SNED1: variants seen among roughly 807,000 people sequenced by gnomAD.
SNED1 encodes the protein sushi, nidogen and EGF like domains 1, also known as sushi, nidogen and EGF-like domain-containing protein 1.
Under a neutral mutation model 166.7 loss-of-function variants are expected in SNED1, and 81 were observed. The ratio of observed to expected loss-of-function variants is 0.49; its 90% CI spans 0.41 to 0.58. The LOEUF (loss-of-function observed/expected upper bound fraction) is 0.58. SNED1 is among the 20% of genes least tolerant of loss of function. The probability of loss-of-function intolerance (pLI) is 0.00; values close to 1 mark genes in which losing one functional copy is unlikely to be tolerated. For synonymous variants in SNED1, 762 were observed against 822.0 expected, an observed-to-expected ratio of 0.93 and a Z score of 1.25; for missense variants, 1,604 against 2,000.2, an observed-to-expected ratio of 0.80 and a Z score of 3.78.
intron 29 of SNED1, among the ~76,000 whole-genome samples, chr2:241,085,465 A>C (rs986448475): frequency 2.0e-5 from 3 of 152,110 alleles, no homozygotes; most frequent in African/African-American, 7.2e-5. Context: ...TTCTATCTTC[A>C]TTATCTTTAT....
chr2:241,071,976 A>G (rs1366194551), intron 26 of SNED1, 98 bp downstream of exon 26: 2 of 1,034,676 alleles, frequency 1.9e-6, no homozygotes, highest in South Asian at 2.7e-5. Context: ...GCCCACCCCC[A>G]CCGCCAGCGC....
At position 240,998,915 on chromosome 2, in the gene SNED1, G is replaced by A. The variant is rs780008178; in HGVS notation, c.78G>A (p.Val26=). The A allele has an allele frequency of 2.7e-5, 34 of 1,245,804 alleles. No homozygotes were observed. The highest frequency in any genetic ancestry group is 3.1e-5 in the Non-Finnish European group (31 of 994,634). 77.2% of individuals were successfully genotyped at this position (1,245,804 alleles called of 1,614,324 possible). A position where few individuals can be genotyped will look rare whatever the true frequency, so the allele number is the denominator to read the frequency against. Residue 26 remains valine, a synonymous_variant, in exon 1 of 32, where the codon GTG becomes GTA. Coordinates refer to ENST00000310397, the MANE Select transcript of SNED1 (RefSeq NM_001080437.3). ...GLGARGVRGA[V]ALADFYPFGA... ...GGGCGCGCGGGGTGCGCGGCGCGGT[G>A]GCCCTTGCCGACTTCTACCCGTTCG...
intron 30 of SNED1, chr2:241,088,057 G>A (rs1415784090): frequency 2.2e-6 from 1 of 454,538 alleles, no homozygotes; most frequent in Non-Finnish European, 3.9e-6. Context: ...CTCGGCCTGT[G>A]CACGTCACCG....
rs1272323663 is a variant in SNED1, at chr2:241,064,403, C to T, written c.2599+278C>T. The stretch of plus-strand genomic sequence containing the variant: ...CACACCCAGGGGTGGGGCCTCACGT[C>T]CACACATAGGCCCTGCTGCCCTTGG... On this transcript the variant is annotated intron_variant, in intron 19 of 31. Coordinates refer to ENST00000310397, the MANE Select transcript of SNED1 (RefSeq NM_001080437.3). This position sits in a 1 kb window ranked among gnomAD's most constrained non-coding sequence, Gnocchi z 7.0. Among the ~76,000 whole-genome samples the T allele has an allele frequency of 6.6e-6, 1 of 152,154 alleles. No homozygotes were observed. Among genetic ancestry groups the T allele is most frequent in the East Asian group, 1.9e-4 (1 of 5,190 alleles).
intron 21 of SNED1, among the ~76,000 whole-genome samples, chr2:241,066,575 C>T (rs1225877620): frequency 1.3e-5 from 2 of 150,396 alleles, no homozygotes; most frequent in African/African-American, 4.9e-5. Flanking sequence ...GCTAGAGGCT[C>T]GAGGAAAGAG....
At position 241,013,327 on chromosome 2, in the gene SNED1, G is replaced by C. The variant is rs185354748; in HGVS notation, c.213+14277G>C. 9.0e-4 allele frequency among the ~76,000 whole-genome samples: 136 copies of C among 151,858 alleles called. No homozygotes were observed. Among genetic ancestry groups the C allele is most frequent in the African/African-American group, 3.2e-3 (131 of 41,382 alleles). On this transcript the variant is annotated intron_variant, in intron 1 of 31. Coordinates refer to ENST00000310397, the MANE Select transcript of SNED1 (RefSeq NM_001080437.3). This position sits in a 1 kb window ranked among gnomAD's most constrained non-coding sequence, Gnocchi z 4.6. ...TTCATTTTATTTATTTTATTTGAGA[G>C]ACAGGGTCTCACTCTGTCACCAGGC... is the stretch of plus-strand genomic sequence containing the variant.
chr2:241,023,888 C>CTT lies in SNED1; in HGVS notation c.214-6378_214-6377dup, dbSNP rs34234341. Among the ~76,000 whole-genome samples the CTT allele has an allele frequency of 2.2e-3, 203 of 91,990 alleles. 22 individuals carry two copies. Among genetic ancestry groups the CTT allele is most frequent in the African/African-American group, 6.0e-3 (129 of 21,346 alleles). The allele number at this position is 91,990 out of a possible 152,430, so 60.3% of individuals were successfully genotyped here. A position where few individuals can be genotyped will look rare whatever the true frequency, so the allele number is the denominator to read the frequency against. ...TTCTCTCTTTTTTTCTTTTTTTTTC[C>CTT]TTTTTTTTTTTTTTTTTTTGAGACA... is the stretch of plus-strand genomic sequence containing the variant. On this transcript the variant is annotated intron_variant, in intron 1 of 31. Coordinates refer to ENST00000310397, the MANE Select transcript of SNED1 (RefSeq NM_001080437.3).
At position 241,073,072 on chromosome 2, in the gene SNED1, C is replaced by T; in HGVS notation, c.3818-194C>T. The T allele has an allele frequency of 1.7e-6, 1 of 573,046 alleles. No homozygotes were observed. The highest frequency in any genetic ancestry group is 3.1e-6 in the Non-Finnish European group (1 of 321,086). 35.5% of individuals were successfully genotyped at this position (573,046 alleles called of 1,614,324 possible). A position where few individuals can be genotyped will look rare whatever the true frequency, so the allele number is the denominator to read the frequency against. On this transcript the variant is annotated intron_variant, in intron 26 of 31. Coordinates refer to ENST00000310397, the MANE Select transcript of SNED1 (RefSeq NM_001080437.3). This position sits in a 1 kb window ranked among gnomAD's most constrained non-coding sequence, Gnocchi z 6.6. ...GGAAGGCCGAGCCCCTCCAGAGGGTCAGCAGGAGGGTGAGGCCAGCCCTTC... is the reference window on the plus strand; with the variant it reads ...GGAAGGCCGAGCCCCTCCAGAGGGTTAGCAGGAGGGTGAGGCCAGCCCTTC...
chr2:241,043,932 TAAG>T (rs1446028759), intron 8 of SNED1, among the ~76,000 whole-genome samples: 3 of 152,178 alleles, frequency 2.0e-5, no homozygotes, highest in Non-Finnish European at 2.9e-5. Context: ...ATGTAAAAGA[TAAG>T]AAGAAATGGA....
intron 27 of SNED1, 37 bp from the exon 28 acceptor site, chr2:241,081,640 G>A (rs1012936423): frequency 1.4e-6 from 2 of 1,471,056 alleles, no homozygotes; most frequent in Non-Finnish European, 1.9e-6. Flanking sequence ...CTGTCCTGGG[G>A]TTCCAGTGAC....
rs540412168 is a variant in SNED1 at position 241,094,518 on chromosome 2, T to G, written c.*2882T>G. On this transcript the variant is annotated 3_prime_UTR_variant, in exon 32 of 32. Transcript: ENST00000310397. The surrounding 1 kb of genome is among the most constrained non-coding windows in gnomAD (Gnocchi z 4.3). The stretch of plus-strand genomic sequence containing the variant: ...CACCTACCAGGGGTATTCCAGTGCA[T>G]AGGGGAAAGGAACCCGGCTGAAAAA... 2 of 395,122 alleles carry G rather than the reference T, an allele frequency of 5.1e-6. No individual in the cohort carries two copies. The highest frequency in any genetic ancestry group is 1.0e-5 in the Non-Finnish European group (2 of 193,488). 24.5% of individuals were successfully genotyped at this position (395,122 alleles called of 1,614,324 possible). A position where few individuals can be genotyped will look rare whatever the true frequency, so the allele number is the denominator to read the frequency against.
At chr2:241,058,095 T>C (rs930577317) in intron 16 of SNED1, among the ~76,000 whole-genome samples, 6 of 151,640 alleles carry the variant, frequency 4.0e-5, no homozygotes, top group Non-Finnish European at 7.4e-5. Context: ...AGAATGAAAG[T>C]GAAAGGAAAA....
rs375998697 is a variant in SNED1, at chr2:241,069,945, C to T, written c.3333C>T (p.Thr1111=). 155 of 1,612,650 alleles carry T rather than the reference C, an allele frequency of 9.6e-5. No individual in the cohort carries two copies. Among genetic ancestry groups the T allele is most frequent in the Admixed American group, 3.3e-5 (2 of 60,008 alleles). The change falls in exon 24 of 32, where the codon ACC becomes ACT. Residue 1111 remains threonine, a synonymous_variant. Coordinates refer to ENST00000310397, the MANE Select transcript of SNED1 (RefSeq NM_001080437.3). This position sits in a 1 kb window ranked among gnomAD's most constrained non-coding sequence, Gnocchi z 4.9. ...WTRPLPPANL[T]AARVTATSAH... is the part of the protein sequence containing the mutation. ...GGCCCCTGCCTCCAGCAAACCTGAC[C>T]GCCGCCCGAGTCACTGCCACCTCTG...
chr2:241,069,906 C>A lies in SNED1; in HGVS notation c.3308-14C>A. On this transcript the variant is annotated splice_polypyrimidine_tract_variant and intron_variant, in intron 23 of 31. Coordinates refer to ENST00000310397, the MANE Select transcript of SNED1 (RefSeq NM_001080437.3). The surrounding 1 kb of genome is among the most constrained non-coding windows in gnomAD (Gnocchi z 4.9). Reference sequence around the variant, plus strand: ...GGGCACCCCCTCACCTCTCCCTGCTCCTGCCTCATCCAGGGCCCCTGCCTC... The same window carrying A: ...GGGCACCCCCTCACCTCTCCCTGCTACTGCCTCATCCAGGGCCCCTGCCTC... The A allele has an allele frequency of 6.2e-7, 1 of 1,609,962 alleles. No individual in the cohort carries two copies. Among genetic ancestry groups the A allele is most frequent in the South Asian group, 1.1e-5 (1 of 90,898 alleles).
At chr2:241,023,869 CT>C (rs1164375420) in intron 1 of SNED1, among the ~76,000 whole-genome samples, 2 of 114,164 alleles carry the variant, frequency 1.8e-5, no homozygotes, top group East Asian at 5.4e-4. Context: ...TATTTTCTCT[CT>C]TTTTTTCTTT....
chr2:241,066,821 C>T (rs1299850012), intron 21 of SNED1, among the ~76,000 whole-genome samples: 1 of 152,174 alleles, frequency 6.6e-6, no homozygotes, highest in East Asian at 1.9e-4. Context: ...ATGCCAAGGG[C>T]ATTGAGGGAC....
At chr2:241,079,411 C>CA (rs757361914) in intron 27 of SNED1, among the ~76,000 whole-genome samples, 3,461 of 74,304 alleles carry the variant, frequency 0.047, 135 homozygotes, top group African/African-American at 0.14. Context: ...GACTCCATCT[C>CA]AAAAAAAAAA....
chr2:241,026,009 CTTTTTTTTTTT>C (rs71404676), intron 1 of SNED1, among the ~76,000 whole-genome samples: 1 of 73,574 alleles, frequency 1.4e-5, no homozygotes, highest in Non-Finnish European at 2.4e-5. Flanking sequence ...TTTTCTTTTC[CTTTTTTTTTTT>C]TTTTTTTTTT....
chr2:241,057,404 T>TAG (rs2062086687), intron 16 of SNED1, among the ~76,000 whole-genome samples: 1 of 144,376 alleles, frequency 6.9e-6, no homozygotes, highest in Non-Finnish European at 1.5e-5. Flanking sequence ...TATATATATA[T>TAG]ATATATATGC....
Sources: gnomAD v4.1 joint callset for allele counts (sites outside exome capture counted in the v4.1 genomes callset) on GRCh38, gnomAD v4.1.1 for gene constraint, Gnocchi (gnomAD v3.1) non-coding constraint, MANE v1.5 for transcripts, NCBI Gene and HGNC (gene_info 2026-07-23, HGNC 2026-07-21) for gene names.